BCKDHB: variants seen among roughly 807,000 people sequenced by gnomAD.
BCKDHB encodes 2-oxoisovalerate dehydrogenase subunit beta, mitochondrial.
Under a neutral mutation model 48.5 loss-of-function variants are expected in BCKDHB, and 41 were observed. That is an observed-to-expected ratio of 0.85 (90% CI 0.66 to 1.10). BCKDHB has a LOEUF of 1.10. Ranked by LOEUF, BCKDHB falls within the 50% of genes least tolerant of loss-of-function variation. BCKDHB has a pLI of 0.00. For missense variants in BCKDHB, 496 were observed against 494.2 expected (o/e 1.00, Z -0.03); for synonymous variants, 201 against 174.8 (o/e 1.15, Z -1.18).
At chr6:80,397,936 C>T in the BCKDHB span, among the ~76,000 whole-genome samples, 2 of 152,052 alleles carry the variant, frequency 1.3e-5, no homozygotes, top group Non-Finnish European at 2.9e-5. Context: ...TACTGAAAAC[C>T]ATGCAAGTAC....
intron 9 of BCKDHB, among the ~76,000 whole-genome samples, chr6:80,331,319 A>G (rs1039306049): frequency 6.6e-6 from 1 of 152,220 alleles, no homozygotes; most frequent in East Asian, 1.9e-4. Flanking sequence ...CTGGAATTAA[A>G]GGAAAAACAT....
chr6:80,342,700 G>A (rs775481055), intron 9 of BCKDHB, among the ~76,000 whole-genome samples: 28 of 152,088 alleles, frequency 1.8e-4, no homozygotes, highest in Non-Finnish European at 3.2e-4. Flanking sequence ...TCTGAGGTGG[G>A]ATTGCTTGAG....
chr6:80,457,642 A>G, the BCKDHB span, among the ~76,000 whole-genome samples: 2 of 152,186 alleles, frequency 1.3e-5, no homozygotes, highest in African/African-American at 2.4e-5. Flanking sequence ...ACAATTGTGT[A>G]GAGTCCTGCA....
At chr6:80,266,576 T>C (rs1293160402) in intron 8 of BCKDHB, among the ~76,000 whole-genome samples, 1 of 152,090 alleles carries the variant, frequency 6.6e-6, no homozygotes, top group African/African-American at 2.4e-5. Context: ...TTTGTTACCA[T>C]CATGCATGTT....
At chr6:80,275,581 G>A (rs923495082) in intron 9 of BCKDHB, among the ~76,000 whole-genome samples, 3 of 151,974 alleles carry the variant, frequency 2.0e-5, no homozygotes, top group Non-Finnish European at 4.4e-5. Flanking sequence ...ATGAATTTTA[G>A]TAAAATTTAG....
chr6:80,456,137 C>T, the BCKDHB span, among the ~76,000 whole-genome samples: 1 of 151,928 alleles, frequency 6.6e-6, no homozygotes, highest in Admixed American at 6.6e-5. Flanking sequence ...ATCTCTTGAA[C>T]CCTGGAGGCG....
At chr6:80,353,116 T>A in the BCKDHB span, among the ~76,000 whole-genome samples, 2 of 152,192 alleles carry the variant, frequency 1.3e-5, no homozygotes, top group Admixed American at 1.3e-4. Context: ...TGTCCATGTG[T>A]ACACATTTTT....
At chr6:80,194,967 A>G (rs1195810692) in intron 6 of BCKDHB, among the ~76,000 whole-genome samples, 2 of 152,176 alleles carry the variant, frequency 1.3e-5, no homozygotes, top group East Asian at 1.9e-4. Context: ...TGTTGCTCCC[A>G]GGAGTCCTCT....
At chr6:80,185,147 T>A (rs1206136772) in intron 6 of BCKDHB, among the ~76,000 whole-genome samples, 1 of 152,146 alleles carries the variant, frequency 6.6e-6, no homozygotes, top group Non-Finnish European at 1.5e-5. Flanking sequence ...GTCTTTCGGT[T>A]AATTTGTAAG....
At chr6:80,304,570 T>G (rs1767756633) in intron 9 of BCKDHB, among the ~76,000 whole-genome samples, 1 of 152,158 alleles carries the variant, frequency 6.6e-6, no homozygotes, top group African/African-American at 2.4e-5. Flanking sequence ...TCTAGAAGAT[T>G]GATGAGAAAA....
rs549090315 is a variant in BCKDHB, at chr6:80,120,787, G to A, written c.197-6760G>A. Among the ~76,000 whole-genome samples, 49 of 151,986 alleles carry A rather than the reference G, an allele frequency of 3.2e-4. 1 individual carries two copies. The highest frequency in any genetic ancestry group is 1.9e-4 in the East Asian group (1 of 5,192). ...GCCCTTTGTCAGATGGGTAGATTGC[G>A]AAAATTTTCTCCCATTCTGTAGGTT... On this transcript the variant is annotated intron_variant, in intron 1 of 9. Coordinates refer to ENST00000320393, the MANE Select transcript of BCKDHB (RefSeq NM_183050.4).
At chr6:80,364,239 G>C in the BCKDHB span, among the ~76,000 whole-genome samples, 1 of 152,136 alleles carries the variant, frequency 6.6e-6, no homozygotes, top group Non-Finnish European at 1.5e-5. Flanking sequence ...AACCAGAAAT[G>C]AATAGAACCA....
At chr6:80,462,223 T>C in the BCKDHB span, among the ~76,000 whole-genome samples, 3 of 152,238 alleles carry the variant, frequency 2.0e-5, no homozygotes, top group African/African-American at 4.8e-5. Flanking sequence ...ATGATACTTA[T>C]GAAAAAATAT....
At chr6:80,333,877 C>T (rs1347507900) in intron 9 of BCKDHB, among the ~76,000 whole-genome samples, 5 of 151,952 alleles carry the variant, frequency 3.3e-5, no homozygotes, top group Admixed American at 3.3e-4. Flanking sequence ...AACCAGATTC[C>T]AGTCACTAAC....
At chr6:80,145,433 C>T (rs1771434710) in intron 3 of BCKDHB, among the ~76,000 whole-genome samples, 1 of 152,184 alleles carries the variant, frequency 6.6e-6, no homozygotes, top group African/African-American at 2.4e-5. Context: ...CTCATCCATA[C>T]ATCAAATCTA....
At chr6:80,431,823 A>G in the BCKDHB span, among the ~76,000 whole-genome samples, 1 of 151,994 alleles carries the variant, frequency 6.6e-6, no homozygotes, top group Non-Finnish European at 1.5e-5. Flanking sequence ...ATTTACATTT[A>G]AGATTAATCT....
At position 80,252,034 on chromosome 6, in the gene BCKDHB, A is replaced by G. The variant is rs574347420; in HGVS notation, c.952-21101A>G. Reference sequence around the variant, plus strand: ...TGCTTACTGTAGGCATTACGTTGAGAGCTTTGTGTGCATTATTTCATTTAA... The same window carrying G: ...TGCTTACTGTAGGCATTACGTTGAGGGCTTTGTGTGCATTATTTCATTTAA... On this transcript the variant is annotated intron_variant, in intron 8 of 9. Transcript: ENST00000320393. Among the ~76,000 whole-genome samples the G allele has an allele frequency of 8.5e-4, 129 of 152,328 alleles. 1 individual carries two copies. The highest frequency in any genetic ancestry group is 3.0e-3 in the African/African-American group (124 of 41,588).
At chr6:80,411,123 G>A in the BCKDHB span, among the ~76,000 whole-genome samples, 2 of 151,958 alleles carry the variant, frequency 1.3e-5, no homozygotes, top group East Asian at 3.9e-4. Context: ...CCTACAGATG[G>A]GTTTTTTGTG....
chr6:80,396,701 A>G, the BCKDHB span, among the ~76,000 whole-genome samples: 3 of 152,186 alleles, frequency 2.0e-5, no homozygotes, highest in Non-Finnish European at 4.4e-5. Flanking sequence ...AATTCTCAAG[A>G]GATCTGATTG....
Sources: gnomAD v4.1 joint callset for allele counts (sites outside exome capture counted in the v4.1 genomes callset) on GRCh38, gnomAD v4.1.1 for gene constraint, MANE v1.5 for transcripts, NCBI Gene and HGNC (gene_info 2026-07-23, HGNC 2026-07-21) for gene names.